The following SLIT1 variants were observed in gnomAD, a reference collection of about 807,000 sequenced individuals.
SLIT1 encodes the protein slit guidance ligand 1.
A neutral mutation model predicts 186.1 loss-of-function variants in SLIT1; 66 were observed. That is an observed-to-expected ratio of 0.35 (90% CI 0.29 to 0.44). The LOEUF (loss-of-function observed/expected upper bound fraction) is 0.44, where lower values mean the gene tolerates loss of function less well. SLIT1 is among the 20% of genes least tolerant of loss of function. The pLI, the probability that SLIT1 is intolerant of heterozygous loss-of-function variation, is 1.00. For missense variants in SLIT1, 1,638 were observed against 2,037.4 expected, an observed-to-expected ratio of 0.80 and a Z score of 3.77; for synonymous variants, 761 against 833.8, an observed-to-expected ratio of 0.91 and a Z score of 1.50.
chr10:97,058,451 A>G lies in SLIT1; in HGVS notation c.1085+1009T>C, dbSNP rs141230391. Among the ~76,000 whole-genome samples the G allele has an allele frequency of 3.9e-5, 6 of 152,346 alleles. No individual in the cohort carries two copies. The East Asian group carries it at 1.2e-3, about 29-fold the overall frequency. Reference sequence around the variant, plus strand: ...AGAGCTTTATTCACTTCTCAGAGGAAGGGCCCTGCATTTTGGCAGGCCACC... The same window carrying G: ...AGAGCTTTATTCACTTCTCAGAGGAGGGGCCCTGCATTTTGGCAGGCCACC... On this transcript the variant is annotated intron_variant, in intron 11 of 36. Coordinates refer to ENST00000266058, the MANE Select transcript of SLIT1 (RefSeq NM_003061.3).
intron 23 of SLIT1, among the ~76,000 whole-genome samples, chr10:97,033,298 C>G (rs1300302401): frequency 6.6e-6 from 1 of 152,138 alleles, no homozygotes. Flanking sequence ...TTTTTGGGTA[C>G]TGGCTCTACT....
Position 97,006,744 on chromosome 10 carries a change from G to T in SLIT1, c.3342-24C>A. The T allele has an allele frequency of 6.5e-7, 1 of 1,545,658 alleles. No individual in the cohort carries two copies. The highest frequency in any genetic ancestry group is 1.7e-5 in the Admixed American group (1 of 59,718). ...CACTGAGAGGAAAGGACATAAGTCA[G>T]AGAGGGCCAAGGAGGAAGGGAGTAT... On this transcript the variant is annotated intron_variant, in intron 31 of 36. Coordinates refer to ENST00000266058, the MANE Select transcript of SLIT1 (RefSeq NM_003061.3). This position sits in a 1 kb window ranked among gnomAD's most constrained non-coding sequence, Gnocchi z 4.0.
chr10:97,048,388 T>C (rs576263886), intron 14 of SLIT1, among the ~76,000 whole-genome samples: 1 of 152,278 alleles, frequency 6.6e-6, no homozygotes, highest in East Asian at 1.9e-4. Context: ...GCTAAGGCTG[T>C]TTCTGCATCC....
intron 4 of SLIT1, chr10:97,154,629 G>A (rs982207606): frequency 5.3e-5 from 8 of 152,228 alleles, no homozygotes; most frequent in African/African-American, 1.9e-4. Context: ...TGCCCTCCTG[G>A]AAGTCCCTCT....
intron 4 of SLIT1, among the ~76,000 whole-genome samples, chr10:97,086,600 GA>G (rs1849162707): frequency 6.6e-6 from 1 of 152,040 alleles, no homozygotes; most frequent in East Asian, 1.9e-4. Flanking sequence ...GAAAGGAAAG[GA>G]AAGGACTATC....
chr10:97,181,119 C>T (rs72821771), intron 1 of SLIT1, among the ~76,000 whole-genome samples: 9,233 of 152,172 alleles, frequency 0.061, 327 homozygotes, highest in Non-Finnish European at 0.07. Flanking sequence ...AGGCACGGCA[C>T]GGGGGTCCTA....
At chr10:97,130,127 C>T (rs1274539000) in intron 4 of SLIT1, among the ~76,000 whole-genome samples, 3 of 152,196 alleles carry the variant, frequency 2.0e-5, no homozygotes, top group Admixed American at 6.5e-5. Flanking sequence ...GGCTGATGAA[C>T]AAAATTTCTA....
intron 4 of SLIT1, among the ~76,000 whole-genome samples, chr10:97,120,916 G>T (rs916876956): frequency 6.6e-6 from 1 of 152,060 alleles, no homozygotes; most frequent in African/African-American, 2.4e-5. Flanking sequence ...CACATAGAAG[G>T]GTTCATTCAA....
At chr10:97,089,564 T>C (rs996143746) in intron 4 of SLIT1, among the ~76,000 whole-genome samples, 3 of 152,224 alleles carry the variant, frequency 2.0e-5, no homozygotes, top group Non-Finnish European at 2.9e-5. Context: ...GGATGTGTCC[T>C]GTGTGACTAA....
chr10:97,164,757 C>T lies in SLIT1; in HGVS notation c.269+62G>A, dbSNP rs549029986. On this transcript the variant is annotated intron_variant, in intron 2 of 36. Coordinates refer to ENST00000266058, the MANE Select transcript of SLIT1 (RefSeq NM_003061.3). ...ACCACCCTACCACCCACAGCCAGGG[C>T]CCTGCCCAGGACTGCCGTGGCATTG... 7.0e-6 allele frequency: 9 copies of T among 1,281,104 alleles called. No homozygotes were observed. In the South Asian group the frequency reaches 8.3e-5, roughly 12 times the overall value. The allele number at this position is 1,281,104 out of a possible 1,614,324, so 79.4% of individuals were successfully genotyped here. A position where few individuals can be genotyped will look rare whatever the true frequency, so the allele number is the denominator to read the frequency against.
intron 4 of SLIT1, among the ~76,000 whole-genome samples, chr10:97,113,808 G>A (rs1396593411): frequency 1.3e-5 from 2 of 151,108 alleles, no homozygotes; most frequent in Admixed American, 6.6e-5. Context: ...CGCTCGCCTC[G>A]GCCTCCCAAA....
rs1165044656 is a variant in SLIT1, at chr10:97,000,072, A to G, written c.*1040T>C. 6.6e-6 allele frequency: 1 copy of G among 152,246 alleles called. No individual in the cohort carries two copies. Among genetic ancestry groups the G allele is most frequent in the African/African-American group, 2.4e-5 (1 of 41,386 alleles). The allele number at this position is 152,246 out of a possible 1,614,324, so 9.4% of individuals were successfully genotyped here. A position where few individuals can be genotyped will look rare whatever the true frequency, so the allele number is the denominator to read the frequency against. On this transcript the variant is annotated 3_prime_UTR_variant, in exon 37 of 37. Transcript: ENST00000266058. The stretch of plus-strand genomic sequence containing the variant: ...AAGAACCCAAGGCCCAGGTGGGGAG[A>G]AGTTTGCCCCGAGTGATAGAGCCAG...
chr10:96,998,705 A>G lies in SLIT1; in HGVS notation c.*2407T>C, dbSNP rs1848271191. 6.6e-6 allele frequency: 1 copy of G among 152,280 alleles called. No homozygotes were observed. Among genetic ancestry groups the G allele is most frequent in the African/African-American group, 2.4e-5 (1 of 41,452 alleles). The allele number at this position is 152,280 out of a possible 1,614,324, so 9.4% of individuals were successfully genotyped here. ...CAGCTCTCACATCATCTCATGGTGG[A>G]TTCCAATCCTCAGACTGCACTGAGG... is the stretch of plus-strand genomic sequence containing the variant. On this transcript the variant is annotated 3_prime_UTR_variant, in exon 37 of 37. Coordinates refer to ENST00000266058, the MANE Select transcript of SLIT1 (RefSeq NM_003061.3).
At chr10:97,026,399 G>T (rs1480915832) in intron 25 of SLIT1, among the ~76,000 whole-genome samples, 2 of 150,614 alleles carry the variant, frequency 1.3e-5, no homozygotes, top group Non-Finnish European at 3.0e-5. Context: ...GGGAGGCGGA[G>T]GTTGCAGTGA....
At chr10:97,054,770 T>A (rs1041320126) in intron 13 of SLIT1, among the ~76,000 whole-genome samples, 3 of 152,156 alleles carry the variant, frequency 2.0e-5, no homozygotes, top group Admixed American at 2.0e-4. Flanking sequence ...GAACCAATGA[T>A]GCAGTGTCTT....
Position 97,002,295 on chromosome 10 carries a change from G to GC in SLIT1, c.4228dup (p.Ala1410GlyfsTer36), listed in dbSNP as rs765208364. ...CAGGGCCCCGGCCTGGTTGCACAGT[G>GC]CCCCCGAGTACCCATCCTGGCACTG... On this transcript the variant is annotated frameshift_variant, in exon 36 of 37. Transcript: ENST00000266058. LOFTEE classifies it high-confidence loss of function. The GC allele has an allele frequency of 1.2e-6, 2 of 1,610,900 alleles. No homozygotes were observed. The highest frequency in any genetic ancestry group is 1.7e-6 in the Non-Finnish European group (2 of 1,179,234).
intron 4 of SLIT1, among the ~76,000 whole-genome samples, chr10:97,130,059 C>T (rs576889291): frequency 1.3e-4 from 20 of 152,310 alleles, no homozygotes; most frequent in African/African-American, 3.9e-4. Context: ...GCCTCTCCGC[C>T]GCCAGGAACA....
At chr10:97,108,180 T>G (rs1849431724) in intron 4 of SLIT1, among the ~76,000 whole-genome samples, 1 of 152,176 alleles carries the variant, frequency 6.6e-6, no homozygotes, top group Non-Finnish European at 1.5e-5. Context: ...ATCAGCACCC[T>G]GTGGGCACCT....
At chr10:97,032,836 C>T (rs971469059) in intron 23 of SLIT1, among the ~76,000 whole-genome samples, 6 of 152,156 alleles carry the variant, frequency 3.9e-5, no homozygotes, top group South Asian at 2.1e-4. Flanking sequence ...AAAGAGCTAC[C>T]GGCACATGCA....
Sources: allele counts gnomAD v4.1 joint callset (sites outside exome capture counted in the v4.1 genomes callset), GRCh38; gene constraint gnomAD v4.1.1; non-coding constraint Gnocchi (gnomAD v3.1); transcripts MANE v1.5; gene names NCBI Gene and HGNC (gene_info 2026-07-23, HGNC 2026-07-21).